The following MAGI3 variants were observed in gnomAD, a reference collection of about 807,000 sequenced individuals.
The protein encoded by MAGI3 is membrane associated guanylate kinase, WW and PDZ domain containing 3.
MAGI3 carries 43 observed loss-of-function variants against 121.8 expected under a neutral mutation model. The ratio of observed to expected loss-of-function variants is 0.35; its 90% CI spans 0.28 to 0.46. MAGI3 has a LOEUF of 0.46. Among genes scored for constraint, MAGI3 ranks in the 20% least tolerant of loss-of-function variants. The pLI is 1.00. For missense variants in MAGI3, 1,547 were observed against 1,797.3 expected (o/e 0.86, Z 2.52); for synonymous variants, 553 against 639.3 (o/e 0.86, Z 2.04).
At chr1:113,526,445 T>A (rs1321861331) in intron 1 of MAGI3, among the ~76,000 whole-genome samples, 2 of 152,110 alleles carry the variant, frequency 1.3e-5, no homozygotes, top group Non-Finnish European at 2.9e-5. Flanking sequence ...AAAAGGAACA[T>A]CACATCCCAA....
chr1:113,463,186 T>C (rs1655114880), intron 1 of MAGI3, among the ~76,000 whole-genome samples: 1 of 151,890 alleles, frequency 6.6e-6, no homozygotes, highest in African/African-American at 2.4e-5. Flanking sequence ...CCATTGGAGA[T>C]GTAGAGTAGT....
At chr1:113,474,301 C>A (rs1028465973) in intron 1 of MAGI3, among the ~76,000 whole-genome samples, 4 of 152,122 alleles carry the variant, frequency 2.6e-5, no homozygotes, top group Non-Finnish European at 5.9e-5. Context: ...GCTTTTGTTG[C>A]CATTGCTTTT....
intron 1 of MAGI3, among the ~76,000 whole-genome samples, chr1:113,449,459 T>A (rs1296964151): frequency 6.6e-6 from 1 of 151,928 alleles, no homozygotes; most frequent in Non-Finnish European, 1.5e-5. Context: ...ACTTAGAAGA[T>A]TTGGGGCTGG....
intron 19 of MAGI3, among the ~76,000 whole-genome samples, chr1:113,676,846 A>AT (rs1257849311): frequency 6.6e-6 from 1 of 152,080 alleles, no homozygotes; most frequent in Non-Finnish European, 1.5e-5. Context: ...CCAGCACCTG[A>AT]TATGGTGCCT....
intron 1 of MAGI3, among the ~76,000 whole-genome samples, chr1:113,409,532 A>C (rs1010961528): frequency 6.6e-6 from 1 of 152,094 alleles, no homozygotes; most frequent in Non-Finnish European, 1.5e-5. Flanking sequence ...GGTTTCAGCT[A>C]TATGAGAGGC....
At chr1:113,582,401 T>TACTACTAA in intron 3 of MAGI3, among the ~76,000 whole-genome samples, 1 of 152,222 alleles carries the variant, frequency 6.6e-6, no homozygotes, top group Middle Eastern at 3.4e-3. Context: ...ATGAATAACA[T>TACTACTAA]ACATTTTAAT....
chr1:113,476,988 T>A (rs1452884348), intron 1 of MAGI3, among the ~76,000 whole-genome samples: 1 of 152,210 alleles, frequency 6.6e-6, no homozygotes, highest in African/African-American at 2.4e-5. Context: ...TAGCCTTCTT[T>A]GTGTCTTTTG....
intron 9 of MAGI3, among the ~76,000 whole-genome samples, chr1:113,632,814 T>C (rs1293107479): frequency 6.6e-6 from 1 of 152,208 alleles, no homozygotes; most frequent in Admixed American, 6.5e-5. Context: ...AACATCATTC[T>C]AATCTTCAGT....
intron 2 of MAGI3, among the ~76,000 whole-genome samples, chr1:113,558,001 C>T (rs1244514955): frequency 6.6e-6 from 1 of 152,142 alleles, no homozygotes; most frequent in Admixed American, 6.6e-5. Flanking sequence ...AAAAGAAAAA[C>T]AAACAAATAA....
intron 1 of MAGI3, among the ~76,000 whole-genome samples, chr1:113,427,165 T>C (rs1653054488): frequency 6.6e-6 from 1 of 152,214 alleles, no homozygotes; most frequent in Non-Finnish European, 1.5e-5. Flanking sequence ...CTGATACCAC[T>C]GGGGCTCCCA....
chr1:113,641,042 T>G lies in MAGI3; in HGVS notation c.1361-869T>G, dbSNP rs1458339338. ...TATATAATATATATGATATATATAATATATATGATATATTATATATGATAT... is the reference window on the plus strand; with the variant it reads ...TATATAATATATATGATATATATAAGATATATGATATATTATATATGATAT... On this transcript the variant is annotated intron_variant, in intron 9 of 20. Transcript: ENST00000307546. 4.8e-3 allele frequency among the ~76,000 whole-genome samples: 604 copies of G among 125,142 alleles called. 14 individuals are homozygous for G. Among genetic ancestry groups the G allele is most frequent in the Non-Finnish European group, 6.6e-3 (410 of 61,942 alleles). The allele number at this position is 125,142 out of a possible 152,430, so 82.1% of individuals were successfully genotyped here. A position where few individuals can be genotyped will look rare whatever the true frequency, so the allele number is the denominator to read the frequency against.
At chr1:113,536,487 T>C (rs1557809971) in intron 1 of MAGI3, among the ~76,000 whole-genome samples, 1 of 152,214 alleles carries the variant, frequency 6.6e-6, no homozygotes, top group Admixed American at 6.5e-5. Flanking sequence ...ATATTCATGA[T>C]CCTGTTACCT....
chr1:113,634,319 T>G (rs973633470), intron 9 of MAGI3, among the ~76,000 whole-genome samples: 43 of 152,210 alleles, frequency 2.8e-4, no homozygotes, highest in Admixed American at 1.4e-3. Flanking sequence ...CCCATGCCTA[T>G]GTCCTGAATG....
chr1:113,437,841 T>C (rs187951840), intron 1 of MAGI3, among the ~76,000 whole-genome samples: 235 of 57,348 alleles, frequency 4.1e-3, no homozygotes, highest in African/African-American at 0.016. Context: ...TTCTTCTTCT[T>C]CTTCTTCTTC....
Position 113,673,304 on chromosome 1 carries a change from A to G in MAGI3, c.3046-18A>G, listed in dbSNP as rs1647673851. The G allele has an allele frequency of 1.9e-6, 3 of 1,605,216 alleles. No homozygotes were observed. Among genetic ancestry groups the G allele is most frequent in the South Asian group, 2.2e-5 (2 of 88,970 alleles). On this transcript the variant is annotated intron_variant, in intron 18 of 20. Coordinates refer to ENST00000307546, the MANE Select transcript of MAGI3 (RefSeq NM_001142782.2). ...CAGTCCATGAGAACTTGCTTTTCTT[A>G]TACTTCTTTCTCTCTAGAACCTTGG...
chr1:113,668,676 G>A (rs1313329350), intron 16 of MAGI3, among the ~76,000 whole-genome samples: 6 of 138,704 alleles, frequency 4.3e-5, no homozygotes, highest in African/African-American at 5.5e-5. Flanking sequence ...TCCGCTTCCC[G>A]GGTTCACGCC....
At chr1:113,527,158 G>C (rs1658491309) in intron 1 of MAGI3, among the ~76,000 whole-genome samples, 1 of 152,124 alleles carries the variant, frequency 6.6e-6, no homozygotes, top group Non-Finnish European at 1.5e-5. Flanking sequence ...ATATGTCAGT[G>C]AGGGGGAGAA....
intron 9 of MAGI3, among the ~76,000 whole-genome samples, chr1:113,626,098 T>C (rs1651221297): frequency 6.6e-6 from 1 of 152,200 alleles, no homozygotes; most frequent in South Asian, 2.1e-4. Context: ...CCAGAGTAGC[T>C]GGGATTACAG....
At chr1:113,453,100 C>T (rs544010866) in intron 1 of MAGI3, among the ~76,000 whole-genome samples, 113 of 152,246 alleles carry the variant, frequency 7.4e-4, no homozygotes, top group Non-Finnish European at 1.4e-3. Context: ...CTCAGCCTAG[C>T]CTGAATGCCA....
Sources: allele counts gnomAD v4.1 joint callset (sites outside exome capture counted in the v4.1 genomes callset), GRCh38; gene constraint gnomAD v4.1.1; transcripts MANE v1.5; gene names NCBI Gene and HGNC (gene_info 2026-07-23, HGNC 2026-07-21).